DUSP10: variants seen among roughly 807,000 people sequenced by gnomAD.
DUSP10 encodes dual specificity phosphatase 10, also known as dual specificity protein phosphatase 10.
Under a neutral mutation model 30.8 loss-of-function variants are expected in DUSP10, and 14 were observed. The observed-to-expected ratio is 0.46, with a 90% CI of 0.30 to 0.71. The LOEUF (loss-of-function observed/expected upper bound fraction) is 0.71, where lower values mean the gene tolerates loss of function less well. DUSP10 is among the 30% of genes least tolerant of loss of function. The pLI is 0.08. For synonymous variants in DUSP10, 254 were observed against 250.4 expected, an observed-to-expected ratio of 1.01 and a Z score of -0.14; for missense variants, 550 against 619.4, an observed-to-expected ratio of 0.89 and a Z score of 1.19.
chr1:221,708,685 C>T (rs1165077205), intron 2 of DUSP10, among the ~76,000 whole-genome samples: 1 of 152,096 alleles, frequency 6.6e-6, no homozygotes, highest in Non-Finnish European at 1.5e-5. Context: ...TGGAAAATAA[C>T]TTCACCAGTG....
At chr1:221,732,907 G>T (rs750637754) in intron 2 of DUSP10, among the ~76,000 whole-genome samples, 4 of 152,178 alleles carry the variant, frequency 2.6e-5, no homozygotes, top group Non-Finnish European at 5.9e-5. Flanking sequence ...CTGGATTAGG[G>T]GCCCTCTAAA....
chr1:221,714,394 T>C (rs938233570), intron 2 of DUSP10, among the ~76,000 whole-genome samples: 5 of 152,268 alleles, frequency 3.3e-5, no homozygotes, highest in South Asian at 2.1e-4. Context: ...CTCGCACGTG[T>C]GGATGCCAGC....
chr1:221,702,764 C>T lies in DUSP10; in HGVS notation c.1184-87G>A, dbSNP rs1331475226. The T allele has an allele frequency of 2.2e-6, 3 of 1,359,440 alleles. No individual in the cohort carries two copies. Among genetic ancestry groups the T allele is most frequent in the South Asian group, 1.3e-5 (1 of 75,236 alleles). The allele number at this position is 1,359,440 out of a possible 1,614,324, so 84.2% of individuals were successfully genotyped here. On this transcript the variant is annotated intron_variant, in intron 3 of 3. Coordinates refer to ENST00000366899, the MANE Select transcript of DUSP10 (RefSeq NM_007207.6). This position sits in a 1 kb window ranked among gnomAD's most constrained non-coding sequence, Gnocchi z 4.5. ...AAACTTTCATCTCAACTTTGCAATGCCTTATTTTGTATAGAAATAATGAAT... is the reference window on the plus strand; with the variant it reads ...AAACTTTCATCTCAACTTTGCAATGTCTTATTTTGTATAGAAATAATGAAT...
At chr1:221,720,799 C>G (rs1661260306) in intron 2 of DUSP10, among the ~76,000 whole-genome samples, 1 of 152,236 alleles carries the variant, frequency 6.6e-6, no homozygotes, top group African/African-American at 2.4e-5. Context: ...TCTTCCCTGA[C>G]ATTCAATTTA....
At chr1:221,711,720 A>T (rs1660942257) in intron 2 of DUSP10, 1 of 152,248 alleles carries the variant, frequency 6.6e-6, no homozygotes, top group Admixed American at 6.5e-5. Context: ...TCTATCTCAC[A>T]GAGCTCTCAA....
At chr1:221,724,341 G>A (rs562994235) in intron 2 of DUSP10, among the ~76,000 whole-genome samples, 38 of 92,742 alleles carry the variant, frequency 4.1e-4, no homozygotes, top group African/African-American at 5.7e-4. Context: ...ATAATAACAA[G>A]CATTTTTTTT....
At chr1:221,725,236 C>G (rs1661392842) in intron 2 of DUSP10, among the ~76,000 whole-genome samples, 2 of 152,210 alleles carry the variant, frequency 1.3e-5, no homozygotes, top group Admixed American at 1.3e-4. Flanking sequence ...ATGTCACTAG[C>G]AAGAGATTGA....
chr1:221,725,292 G>T lies in DUSP10; in HGVS notation c.811+13642C>A, dbSNP rs115666593. Among the ~76,000 whole-genome samples, 1,477 of 152,280 alleles carry T rather than the reference G, an allele frequency of 9.7e-3. 20 individuals carry two copies. The highest frequency in any genetic ancestry group is 0.034 in the African/African-American group (1,398 of 41,546). On this transcript the variant is annotated intron_variant, in intron 2 of 3. Coordinates refer to ENST00000366899, the MANE Select transcript of DUSP10 (RefSeq NM_007207.6). ...CAACTTTGTAGCATCTCATTCTCAGGCCTAAAAGTGTTCTCAAAGTTTGTT... is the reference window on the plus strand; with the variant it reads ...CAACTTTGTAGCATCTCATTCTCAGTCCTAAAAGTGTTCTCAAAGTTTGTT...
chr1:221,721,094 A>G (rs571512402), intron 2 of DUSP10, among the ~76,000 whole-genome samples: 1 of 152,346 alleles, frequency 6.6e-6, no homozygotes, highest in South Asian at 2.1e-4. Flanking sequence ...AATAGTCCTA[A>G]CAGGCAACAA....
At chr1:221,728,701 G>A (rs1661493541) in intron 2 of DUSP10, among the ~76,000 whole-genome samples, 1 of 152,220 alleles carries the variant, frequency 6.6e-6, no homozygotes, top group Admixed American at 6.5e-5. Flanking sequence ...TAATAGGACA[G>A]ATAATGAATA....
At chr1:221,726,702 GA>G (rs11284226) in intron 2 of DUSP10, among the ~76,000 whole-genome samples, 18,279 of 116,734 alleles carry the variant, frequency 0.16, 1,081 homozygotes, top group Admixed American at 0.18. Flanking sequence ...ACTATTTCAG[GA>G]AAAAAAAAAA....
intron 2 of DUSP10, among the ~76,000 whole-genome samples, chr1:221,711,310 G>A (rs748213095): frequency 1.3e-5 from 2 of 152,212 alleles, no homozygotes; most frequent in Non-Finnish European, 2.9e-5. Context: ...GAATCTATAA[G>A]CAAGAGATTT....
At chr1:221,721,786 G>A (rs1661285068) in intron 2 of DUSP10, among the ~76,000 whole-genome samples, 2 of 152,190 alleles carry the variant, frequency 1.3e-5, no homozygotes, top group South Asian at 4.1e-4. Flanking sequence ...CACCCTGAGG[G>A]ATGTCACTGA....
intron 2 of DUSP10, among the ~76,000 whole-genome samples, chr1:221,709,360 C>T (rs558432749): frequency 2.9e-4 from 44 of 149,772 alleles, no homozygotes; most frequent in African/African-American, 1.0e-3. Context: ...TTGAGACAGA[C>T]ACACAGAATG....
chr1:221,727,880 T>C (rs181416789), intron 2 of DUSP10, among the ~76,000 whole-genome samples: 48 of 152,308 alleles, frequency 3.2e-4, no homozygotes, highest in African/African-American at 1.2e-3. Flanking sequence ...GTGACCTTAC[T>C]GCTATGGTTT....
At chr1:221,733,338 G>A (rs1229208978) in intron 2 of DUSP10, among the ~76,000 whole-genome samples, 2 of 152,206 alleles carry the variant, frequency 1.3e-5, no homozygotes, top group African/African-American at 4.8e-5. Flanking sequence ...TTTGAAAACA[G>A]AAATAGGCAA....
At position 221,716,756 on chromosome 1, in the gene DUSP10, C is replaced by G. The variant is rs570373778; in HGVS notation, c.812-10290G>C. ...CAGCCCCCATGTTCCTGAAAACTTG[C>G]AAGTTCAGTTTTCTTTCTGGTACGT... On this transcript the variant is annotated intron_variant, in intron 2 of 3. Transcript: ENST00000366899. 1.2e-4 allele frequency among the ~76,000 whole-genome samples: 19 copies of G among 152,304 alleles called. No individual in the cohort carries two copies. In the East Asian group the frequency reaches 3.7e-3, roughly 29 times the overall value.
rs902179381 is a variant in DUSP10, at chr1:221,706,406, T to G, written c.872A>C (p.Gln291Pro). 2.6e-6 allele frequency: 4 copies of G among 1,557,770 alleles called. No individual in the cohort carries two copies. Among genetic ancestry groups the G allele is most frequent in the Middle Eastern group, 1.7e-4 (1 of 5,776 alleles). ...ENLCDNSLQL[Q>P]ECREVGGGAS... Reference sequence around the variant, plus strand: ...GCCGCCCCCCACCTCCCGGCACTCTTGGAGCTGGAGGGAGTTGTCACAGAG... The same window carrying G: ...GCCGCCCCCCACCTCCCGGCACTCTGGGAGCTGGAGGGAGTTGTCACAGAG... The change falls in exon 3 of 4, where the codon CAA (glutamine) becomes CCA (proline). Residue 291 changes from glutamine to proline, a missense_variant. Coordinates refer to ENST00000366899, the MANE Select transcript of DUSP10 (RefSeq NM_007207.6). This position sits in a 1 kb window ranked among gnomAD's most constrained non-coding sequence, Gnocchi z 4.6.
At chr1:221,726,869 A>G (rs1195784127) in intron 2 of DUSP10, among the ~76,000 whole-genome samples, 1 of 152,206 alleles carries the variant, frequency 6.6e-6, no homozygotes, top group Non-Finnish European at 1.5e-5. Context: ...TACCACTCAT[A>G]TATCAGTTGA....
Sources: allele counts gnomAD v4.1 joint callset (sites outside exome capture counted in the v4.1 genomes callset), GRCh38; gene constraint gnomAD v4.1.1; non-coding constraint Gnocchi (gnomAD v3.1); transcripts MANE v1.5; gene names NCBI Gene and HGNC (gene_info 2026-07-23, HGNC 2026-07-21).